KIZ: variants seen among roughly 807,000 people sequenced by gnomAD.
KIZ encodes centrosomal protein kizuna.
Under a neutral mutation model 79.6 loss-of-function variants are expected in KIZ, and 68 were observed. That is an observed-to-expected ratio of 0.85 (90% confidence interval 0.70 to 1.05). The LOEUF (loss-of-function observed/expected upper bound fraction) is 1.05. KIZ is among the 50% of genes least tolerant of loss of function. The pLI is 0.00. For missense variants in KIZ, 797 were observed against 800.4 expected (o/e 1.00, Z 0.05); for synonymous variants, 280 against 281.8 (o/e 0.99, Z 0.06).
chr20:21,138,509 A>G (rs932779666), intron 3 of KIZ, among the ~76,000 whole-genome samples: 3 of 152,160 alleles, frequency 2.0e-5, no homozygotes, highest in African/African-American at 7.2e-5. Flanking sequence ...TGAAGACTGT[A>G]TTTTTAATTT....
chr20:21,208,886 G>T (rs1371721332), intron 7 of KIZ, among the ~76,000 whole-genome samples: 1 of 152,116 alleles, frequency 6.6e-6, no homozygotes, highest in East Asian at 1.9e-4. Context: ...TTTCCGATTA[G>T]TGAAATCAAG....
At chr20:21,135,313 C>T (rs557434665) in intron 2 of KIZ, among the ~76,000 whole-genome samples, 44 of 152,292 alleles carry the variant, frequency 2.9e-4, no homozygotes, top group Middle Eastern at 3.4e-3. Flanking sequence ...TTACTGAGTG[C>T]CTGAGTGTGA....
intron 6 of KIZ, among the ~76,000 whole-genome samples, chr20:21,190,097 C>G (rs578222988): frequency 6.6e-6 from 1 of 152,192 alleles, no homozygotes; most frequent in African/African-American, 2.4e-5. Context: ...TACAGCTGTT[C>G]CAGCCATCGG....
chr20:21,160,516 G>A (rs2033605708), intron 4 of KIZ, among the ~76,000 whole-genome samples: 1 of 152,066 alleles, frequency 6.6e-6, no homozygotes, highest in African/African-American at 2.4e-5. Context: ...GTTTGTGTGT[G>A]TGGCCTCCAG....
In KIZ at chr20:21,136,415, A is replaced by G. The variant is rs1319463736; in HGVS notation, c.178A>G (p.Lys60Glu). Residue 60 changes from lysine (K) to glutamate (E), a missense_variant, in exon 3 of 13, where the codon AAG becomes GAG. Coordinates refer to ENST00000619189, the MANE Select transcript of KIZ (RefSeq NM_018474.6). ...AGTTAAGCTGAAATATGTAAAACTAAAGAATTATCTGAAGGAAATATGTGA... is the reference window on the plus strand; with the variant it reads ...AGTTAAGCTGAAATATGTAAAACTAGAGAATTATCTGAAGGAAATATGTGA... ...CRVKLKYVKL[K>E]NYLKEICESE... The G allele has an allele frequency of 3.2e-6, 5 of 1,548,842 alleles. No homozygotes were observed. In the African/African-American group the frequency reaches 6.8e-5, roughly 21 times the overall value.
chr20:21,150,931 ACT>A (rs1268193051), intron 4 of KIZ: 2 of 150,960 alleles, frequency 1.3e-5, no homozygotes, highest in African/African-American at 4.9e-5. Flanking sequence ...TGACATTTGG[ACT>A]CTCCACTCCT....
chr20:21,233,525 G>A lies in KIZ; in HGVS notation c.1880+695G>A, dbSNP rs541029562. On this transcript the variant is annotated intron_variant, in intron 11 of 12. Transcript: ENST00000619189. ...GAAATACCCTACTCTTTTGCTTTGA[G>A]CTAAATATTGTTTAAAATGGCATAG... Among the ~76,000 whole-genome samples the A allele has an allele frequency of 2.0e-4, 31 of 152,286 alleles. No individual in the cohort carries two copies. In the South Asian group the frequency reaches 6.2e-3, roughly 31 times the overall value.
intron 6 of KIZ, among the ~76,000 whole-genome samples, chr20:21,178,666 G>C (rs957674003): frequency 1.3e-5 from 2 of 152,124 alleles, no homozygotes; most frequent in African/African-American, 4.8e-5. Flanking sequence ...CAAAGGAAAA[G>C]CTTTCAGCTT....
At chr20:21,158,015 C>G (rs2033466663) in intron 4 of KIZ, among the ~76,000 whole-genome samples, 1 of 152,152 alleles carries the variant, frequency 6.6e-6, no homozygotes. Flanking sequence ...TTTAGCCCTG[C>G]TAAAGTCTCC....
At chr20:21,131,043 T>G (rs986105360) in intron 1 of KIZ, among the ~76,000 whole-genome samples, 2 of 152,232 alleles carry the variant, frequency 1.3e-5, no homozygotes, top group Non-Finnish European at 1.5e-5. Flanking sequence ...TACTTAATGT[T>G]AACTTAGATG....
rs899281990 is a variant in KIZ at position 21,128,339 on chromosome 20, A to G, written c.89+2135A>G. ...TGGTTGTACCTTTTTAAACAAAGAA[A>G]CACAAAGCATCCCACTGATCACAGA... On this transcript the variant is annotated intron_variant, in intron 1 of 12. Transcript: ENST00000619189. Among the ~76,000 whole-genome samples the G allele has an allele frequency of 3.3e-5, 5 of 152,224 alleles. No homozygotes were observed. In the South Asian group the frequency reaches 8.3e-4, roughly 25 times the overall value.
chr20:21,154,747 C>T (rs2033290952), intron 4 of KIZ, among the ~76,000 whole-genome samples: 1 of 152,190 alleles, frequency 6.6e-6, no homozygotes, highest in South Asian at 2.1e-4. Context: ...CTGTTTTCAG[C>T]TTCCCTGGCT....
intron 6 of KIZ, among the ~76,000 whole-genome samples, chr20:21,168,487 C>T (rs1465134746): frequency 7.2e-5 from 11 of 152,088 alleles, no homozygotes; most frequent in African/African-American, 2.4e-4. Context: ...GAATCAATAT[C>T]GTGAAAATGG....
intron 9 of KIZ, among the ~76,000 whole-genome samples, chr20:21,224,872 G>T (rs2036610427): frequency 6.6e-6 from 1 of 152,158 alleles, no homozygotes. Context: ...ATAAGAAGTT[G>T]AGGCTTTTTC....
intron 7 of KIZ, among the ~76,000 whole-genome samples, chr20:21,212,398 A>T (rs1057438678): frequency 1.3e-5 from 2 of 152,228 alleles, no homozygotes; most frequent in Non-Finnish European, 2.9e-5. Flanking sequence ...AAACCATACT[A>T]CAAGTAGTAC....
chr20:21,218,177 G>T (rs544048734), intron 9 of KIZ: 16 of 152,296 alleles, frequency 1.1e-4, no homozygotes, highest in African/African-American at 3.6e-4. Flanking sequence ...AGAAGAGTTT[G>T]ATGATACTTT....
chr20:21,244,086 A>T (rs1401693002), intron 11 of KIZ, among the ~76,000 whole-genome samples, 159 bp from the exon 12 acceptor site: 1 of 152,232 alleles, frequency 6.6e-6, no homozygotes, highest in Non-Finnish European at 1.5e-5. Flanking sequence ...GCCACGCTGC[A>T]TCCCGATATT....
At chr20:21,240,150 T>G (rs960026499) in intron 11 of KIZ, among the ~76,000 whole-genome samples, 1 of 152,096 alleles carries the variant, frequency 6.6e-6, no homozygotes, top group Non-Finnish European at 1.5e-5. Flanking sequence ...TTTGAGACGG[T>G]GTCTCGCTCT....
chr20:21,188,801 G>A (rs1301378542), intron 6 of KIZ, among the ~76,000 whole-genome samples: 3 of 151,454 alleles, frequency 2.0e-5, no homozygotes, highest in African/African-American at 4.9e-5. Context: ...CTGGGTTCAC[G>A]CCATTCTCCT....
Sources: gnomAD v4.1 joint callset for allele counts (sites outside exome capture counted in the v4.1 genomes callset) on GRCh38, gnomAD v4.1.1 for gene constraint, MANE v1.5 for transcripts, NCBI Gene and HGNC (gene_info 2026-07-23, HGNC 2026-07-21) for gene names.